Variants in SEMA4C observed in about 807,000 individuals in gnomAD.
SEMA4C encodes the protein semaphorin-4C.
A neutral mutation model predicts 89.0 loss-of-function variants in SEMA4C; 19 were observed. The ratio of observed to expected loss-of-function variants is 0.21; its 90% CI spans 0.15 to 0.31. The LOEUF (loss-of-function observed/expected upper bound fraction) is 0.31, where lower values mean the gene tolerates loss of function less well. Among genes scored for constraint, SEMA4C ranks in the 10% least tolerant of loss-of-function variants. The pLI is 1.00. For missense variants in SEMA4C, 811 were observed against 1,107.0 expected (o/e 0.73, Z 3.79); for synonymous variants, 428 against 472.7 (o/e 0.91, Z 1.23).
rs1454380086 is a variant in SEMA4C at position 96,860,427 on chromosome 2, G to A, written c.*199C>T. 10 of 539,094 alleles carry A rather than the reference G, an allele frequency of 1.9e-5. No homozygotes were observed. The highest frequency in any genetic ancestry group is 7.1e-5 in the Admixed American group (2 of 28,152). The allele number at this position is 539,094 out of a possible 1,614,324, so 33.4% of individuals were successfully genotyped here. A position where few individuals can be genotyped will look rare whatever the true frequency, so the allele number is the denominator to read the frequency against. ...CAGAGAGGAGGAAGATGCCTTCTGC[G>A]AGGCTGGTGCCCTGGTGAGCCACAC... On this transcript the variant is annotated 3_prime_UTR_variant, in exon 15 of 15. Transcript: ENST00000305476.
chr2:96,870,778 G>A (rs137905892), upstream of SEMA4C: 1 of 984,992 alleles, frequency 1.0e-6, no homozygotes, highest in Middle Eastern at 5.2e-4. Context: ...GAAAGGGGCT[G>A]TGGGGAGCCA....
chr2:96,869,300 G>A, intron 1 of SEMA4C: 2 of 985,374 alleles, frequency 2.0e-6, no homozygotes, highest in Non-Finnish European at 2.4e-6. Context: ...AGGGGTTGGG[G>A]GGAGGGGTGC....
intron 12 of SEMA4C, chr2:96,862,272 G>T (rs746245944): frequency 3.6e-5 from 7 of 197,120 alleles, no homozygotes; most frequent in Non-Finnish European, 6.2e-5. Context: ...ATGTTTTCCT[G>T]TTTCAACGGT....
At chr2:96,866,748 G>A (rs2080081701) in intron 2 of SEMA4C, 1 of 461,718 alleles carries the variant, frequency 2.2e-6, no homozygotes, top group East Asian at 4.8e-5. Context: ...CCGGCCGCAG[G>A]GCTGGGCACC....
chr2:96,870,261 A>G (rs2080174525), upstream of SEMA4C: 6 of 985,182 alleles, frequency 6.1e-6, no homozygotes, highest in Non-Finnish European at 7.2e-6. Context: ...CCGGACCTCA[A>G]CCCCTCCGGG....
chr2:96,869,813 G>C (rs2080167373), intron 1 of SEMA4C, 63 bp downstream of exon 1: 3 of 984,774 alleles, frequency 3.0e-6, no homozygotes, highest in South Asian at 9.4e-5. Context: ...CCCAAGCAAA[G>C]GGACAAAGCG....
intron 1 of SEMA4C, among the ~76,000 whole-genome samples, chr2:96,868,220 A>G (rs2080125688): frequency 6.6e-6 from 1 of 152,180 alleles, no homozygotes; most frequent in Non-Finnish European, 1.5e-5. Context: ...TCATTTGAGA[A>G]ATAAAAAGGG....
chr2:96,866,327 C>T lies in SEMA4C; in HGVS notation c.214G>A (p.Ala72Thr). 2 of 1,613,428 alleles carry T rather than the reference C, an allele frequency of 1.2e-6. No homozygotes were observed. The highest frequency in any genetic ancestry group is 1.7e-6 in the Non-Finnish European group (2 of 1,179,596). ...GCCTCCATGCTGAAGGCAAACAGGG[C>T]CTCTCGGGCGCCCACGTACAGAAGC... Reference protein sequence around the residue: ...TGLLYVGAREALFAFSMEALE... With the variant: ...TGLLYVGARETLFAFSMEALE... Residue 72 changes from alanine to threonine, a missense_variant, in exon 3 of 15, where the codon GCC (alanine) becomes ACC (threonine). Physicochemically the swap from Ala to Thr is moderately conservative, Grantham distance 58. Coordinates refer to ENST00000305476, the MANE Select transcript of SEMA4C (RefSeq NM_017789.5).
At chr2:96,870,357 C>G, upstream of SEMA4C, 1 of 973,776 alleles carries the variant, frequency 1.0e-6, no homozygotes, top group Non-Finnish European at 1.2e-6. Context: ...CCGGGTATGG[C>G]CACGGGGGAA....
upstream of SEMA4C, chr2:96,870,440 G>A (rs2080177499): frequency 1.1e-6 from 1 of 903,220 alleles, no homozygotes; most frequent in Non-Finnish European, 1.3e-6. Flanking sequence ...AGGGACTCCC[G>A]ACCGTGCAGT....
At chr2:96,869,028 C>T (rs1042123119) in intron 1 of SEMA4C, 211 of 985,408 alleles carry the variant, frequency 2.1e-4, no homozygotes, top group Non-Finnish European at 2.4e-4. Context: ...CCTCCCCCAG[C>T]TCCAGGGATT....
intron 4 of SEMA4C, 46 bp downstream of exon 4, chr2:96,865,821 C>T (rs767929928): frequency 1.2e-5 from 19 of 1,613,146 alleles, no homozygotes; most frequent in East Asian, 2.2e-5. Context: ...TGGGAGGAGA[C>T]GTCCTGGGGT....
rs535886702 is a variant in SEMA4C, at chr2:96,860,849, G to C, written c.2279C>G (p.Ser760Trp). ...ARCQPGGGPP[S>W]PPPGIPGQPL... ...CTGGCCTGGGATGCCTGGAGGTGGC[G>C]AAGGGGGCCCCCCACCGGGCTGGCA... Residue 760 changes from serine to tryptophan, a missense_variant, in exon 15 of 15, where the codon TCG becomes TGG. By Grantham distance (177) the Ser-to-Trp change is radical (BLOSUM62 -3). This residue lies in a region of SEMA4C where 248 missense variants were observed against 269.0 expected (regional missense o/e 0.92). Coordinates refer to ENST00000305476, the MANE Select transcript of SEMA4C (RefSeq NM_017789.5). 1.9e-6 allele frequency: 3 copies of C among 1,613,142 alleles called. No individual in the cohort carries two copies. The highest frequency in any genetic ancestry group is 2.5e-6 in the Non-Finnish European group (3 of 1,179,994).
Position 96,867,935 on chromosome 2 carries a change from A to G in SEMA4C, c.-37-12T>C. 2.5e-6 allele frequency: 4 copies of G among 1,612,658 alleles called. No homozygotes were observed. The highest frequency in any genetic ancestry group is 2.5e-6 in the Non-Finnish European group (3 of 1,179,850). On this transcript the variant is annotated splice_polypyrimidine_tract_variant and intron_variant, in intron 1 of 14. Coordinates refer to ENST00000305476, the MANE Select transcript of SEMA4C (RefSeq NM_017789.5). The stretch of plus-strand genomic sequence containing the variant: ...TCAGGCCAGCTGTCCTGCTGAGGGA[A>G]AAGACATGGTCAGAAATCACAGCCA...
intron 1 of SEMA4C, chr2:96,869,377 C>T (rs2080156443): frequency 2.0e-6 from 2 of 985,284 alleles, no homozygotes; most frequent in Non-Finnish European, 2.4e-6. Flanking sequence ...CGCGGCCCTC[C>T]CTGCAGGGCG....
chr2:96,865,399 C>A (rs1435490834), intron 6 of SEMA4C, 42 bp downstream of exon 6: 4 of 1,611,092 alleles, frequency 2.5e-6, no homozygotes, highest in Non-Finnish European at 3.4e-6. Context: ...TGGAACCAAG[C>A]CCCAAGGACT....
rs1314047372 is a variant in SEMA4C at position 96,867,068 on chromosome 2, G to A, written c.110-637C>T. On this transcript the variant is annotated intron_variant, in intron 2 of 14. Transcript: ENST00000305476. ...AAGTCTTGCTGCCACCCGGCATGCA[G>A]GGCACTACGACATTTATACAGTCAC... 5 of 202,924 alleles carry A rather than the reference G, an allele frequency of 2.5e-5. No homozygotes were observed. The East Asian group carries it at 6.7e-4, about 27-fold the overall frequency. 12.6% of individuals were successfully genotyped at this position (202,924 alleles called of 1,614,324 possible). A position where few individuals can be genotyped will look rare whatever the true frequency, so the allele number is the denominator to read the frequency against.
intron 1 of SEMA4C, chr2:96,869,424 C>T: frequency 1.0e-6 from 1 of 979,080 alleles, no homozygotes; most frequent in Non-Finnish European, 1.2e-6. Context: ...CCGGCTCGGC[C>T]CGGGGGCCTG....
chr2:96,868,307 G>C (rs1369879934), intron 1 of SEMA4C: 3 of 582,936 alleles, frequency 5.1e-6, no homozygotes, highest in Non-Finnish European at 6.9e-6. Flanking sequence ...AGGCCTTGCA[G>C]CCACTGGGGC....
Sources: allele counts gnomAD v4.1 joint callset (sites outside exome capture counted in the v4.1 genomes callset), GRCh38; gene constraint gnomAD v4.1.1; regional missense constraint gnomAD v4.1.1; transcripts MANE v1.5; gene names NCBI Gene and HGNC (gene_info 2026-07-23, HGNC 2026-07-21).